Variants in CADM1 observed in about 807,000 individuals in gnomAD.
CADM1 encodes cell adhesion molecule 1, also known as TSLC-1.
CADM1 carries 15 observed loss-of-function variants against 53.1 expected under a neutral mutation model. That is an observed-to-expected ratio of 0.28 (90% CI 0.19 to 0.44). CADM1 has a LOEUF of 0.44. Among genes scored for constraint, CADM1 ranks in the 20% least tolerant of loss-of-function variants. The probability of loss-of-function intolerance (pLI) is 1.00; values close to 1 mark genes in which losing one functional copy is unlikely to be tolerated. For missense variants in CADM1, 434 were observed against 611.3 expected (o/e 0.71, Z 3.06); for synonymous variants, 281 against 243.0 (o/e 1.16, Z -1.45).
intron 5 of CADM1, chr11:115,218,219 C>T (rs571481911): frequency 5.1e-5 from 27 of 525,242 alleles, no homozygotes; most frequent in East Asian, 3.5e-4. Context: ...AAGCCAACTG[C>T]GCCACATCAA....
chr11:115,212,633 G>C (rs1350687948), intron 7 of CADM1, among the ~76,000 whole-genome samples: 1 of 152,188 alleles, frequency 6.6e-6, no homozygotes, highest in African/African-American at 2.4e-5. Context: ...TCATATTGAA[G>C]GGGATTGTTC....
At chr11:115,232,526 C>T (rs1416860253) in intron 3 of CADM1, among the ~76,000 whole-genome samples, 3 of 152,178 alleles carry the variant, frequency 2.0e-5, no homozygotes, top group African/African-American at 7.2e-5. Context: ...AGTAGATTTA[C>T]ATATCAGAAT....
At chr11:115,194,018 C>T (rs1158779270) in intron 9 of CADM1, 1 of 152,164 alleles carries the variant, frequency 6.6e-6, no homozygotes, top group Non-Finnish European at 1.5e-5. Context: ...TTGGTTCACG[C>T]CGTTAGACAG....
At chr11:115,388,530 T>C (rs1946757242) in intron 1 of CADM1, among the ~76,000 whole-genome samples, 2 of 152,080 alleles carry the variant, frequency 1.3e-5, no homozygotes, top group African/African-American at 2.4e-5. Context: ...AATGCCCTGA[T>C]CAGATAACCA....
At chr11:115,442,646 G>C (rs1458457389) in intron 1 of CADM1, among the ~76,000 whole-genome samples, 2 of 152,182 alleles carry the variant, frequency 1.3e-5, no homozygotes, top group Admixed American at 1.3e-4. Context: ...AAGAAACTAG[G>C]AAAACCATTT....
intron 1 of CADM1, among the ~76,000 whole-genome samples, chr11:115,362,904 A>G (rs1946065535): frequency 6.6e-6 from 1 of 152,166 alleles, no homozygotes; most frequent in African/African-American, 2.4e-5. Flanking sequence ...TACCTAGAAA[A>G]TGTGTTCAGT....
chr11:115,339,544 G>C (rs1282118088), intron 1 of CADM1, among the ~76,000 whole-genome samples: 1 of 151,920 alleles, frequency 6.6e-6, no homozygotes, highest in Non-Finnish European at 1.5e-5. Context: ...TAACTTCATG[G>C]AGCTTTTCTC....
intron 1 of CADM1, among the ~76,000 whole-genome samples, chr11:115,266,433 C>G (rs1943143196): frequency 6.6e-6 from 1 of 152,212 alleles, no homozygotes; most frequent in Non-Finnish European, 1.5e-5. Context: ...TGCATTATGA[C>G]AGTGAGAGCC....
chr11:115,353,623 G>A (rs1266140055), intron 1 of CADM1, among the ~76,000 whole-genome samples: 1 of 152,144 alleles, frequency 6.6e-6, no homozygotes, highest in Admixed American at 6.5e-5. Context: ...AAGATTCCCA[G>A]ACTGAGATAG....
chr11:115,352,583 C>T (rs1945765479), intron 1 of CADM1, among the ~76,000 whole-genome samples: 1 of 152,150 alleles, frequency 6.6e-6, no homozygotes, highest in Admixed American at 6.5e-5. Flanking sequence ...AAGTAAATTC[C>T]TTTCTCTTCC....
At chr11:115,398,319 G>A (rs1947054818) in intron 1 of CADM1, among the ~76,000 whole-genome samples, 1 of 152,216 alleles carries the variant, frequency 6.6e-6, no homozygotes, top group Admixed American at 6.5e-5. Context: ...GCAATGAACT[G>A]TAGTCTCCCT....
chr11:115,270,583 G>T (rs1050624214), intron 1 of CADM1, among the ~76,000 whole-genome samples: 2 of 151,814 alleles, frequency 1.3e-5, no homozygotes, highest in African/African-American at 2.4e-5. Flanking sequence ...ATCACTGACT[G>T]GATAGCTGAT....
chr11:115,451,911 G>A (rs1427885098), intron 1 of CADM1, among the ~76,000 whole-genome samples: 3 of 152,012 alleles, frequency 2.0e-5, no homozygotes, highest in African/African-American at 7.2e-5. Flanking sequence ...GAGCATCTGG[G>A]GCTGGAGGGG....
intron 1 of CADM1, among the ~76,000 whole-genome samples, chr11:115,355,298 A>G (rs1030457816): frequency 5.3e-5 from 8 of 152,116 alleles, no homozygotes; most frequent in Non-Finnish European, 7.4e-5. Context: ...AATGGATCAT[A>G]TCCTTGGCAG....
chr11:115,460,783 G>GA (rs146672748), intron 1 of CADM1, among the ~76,000 whole-genome samples: 374 of 143,218 alleles, frequency 2.6e-3, no homozygotes, highest in Middle Eastern at 0.011. Context: ...TAGAAAGAAA[G>GA]AAAAAAAAAA....
intron 1 of CADM1, among the ~76,000 whole-genome samples, chr11:115,348,585 C>T (rs1565379663): frequency 1.3e-5 from 2 of 152,060 alleles, no homozygotes; most frequent in Non-Finnish European, 2.9e-5. Context: ...TTCACCGGTG[C>T]CAATTTTCAC....
At chr11:115,216,800 G>A (rs1260686546) in intron 6 of CADM1, among the ~76,000 whole-genome samples, 1 of 152,186 alleles carries the variant, frequency 6.6e-6, no homozygotes, top group African/African-American at 2.4e-5. Flanking sequence ...AGCAGGCAGA[G>A]CCCCCTTTGG....
chr11:115,501,120 A>G (rs1257012374), intron 1 of CADM1, among the ~76,000 whole-genome samples: 2 of 152,184 alleles, frequency 1.3e-5, no homozygotes, highest in African/African-American at 4.8e-5. Context: ...TGTTCCTCCA[A>G]AACGTCCCAG....
At chr11:115,295,093 ATTAG>A (rs1301321060) in intron 1 of CADM1, among the ~76,000 whole-genome samples, 1 of 152,132 alleles carries the variant, frequency 6.6e-6, no homozygotes, top group Non-Finnish European at 1.5e-5. Context: ...AGCAATGCTT[ATTAG>A]TTAATCTAGT....
Sources: allele counts gnomAD v4.1 joint callset (sites outside exome capture counted in the v4.1 genomes callset), GRCh38; gene constraint gnomAD v4.1.1; transcripts MANE v1.5; gene names NCBI Gene and HGNC (gene_info 2026-07-23, HGNC 2026-07-21).